SVIL: variants seen among roughly 807,000 people sequenced by gnomAD.
The protein encoded by SVIL is archvillin.
SVIL carries 101 observed loss-of-function variants against 240.4 expected under a neutral mutation model. The ratio of observed to expected loss-of-function variants is 0.42; its 90% CI spans 0.36 to 0.50. The LOEUF is 0.50. Ranked by LOEUF, SVIL falls within the 20% of genes least tolerant of loss-of-function variation. The pLI, the probability that SVIL is intolerant of heterozygous loss-of-function variation, is 0.01. For missense variants in SVIL, 2,512 were observed against 2,818.7 expected (o/e 0.89, Z 2.46); for synonymous variants, 999 against 1,100.0 (o/e 0.91, Z 1.82).
intron 30 of SVIL, chr10:29,473,593 T>G (rs373033730): frequency 3.6e-6 from 2 of 559,344 alleles, no homozygotes; most frequent in African/African-American, 3.8e-5. Context: ...TCTGCACTTG[T>G]CATGTGGATT....
At chr10:29,633,877 A>G (rs1958208519) in intron 1 of SVIL, among the ~76,000 whole-genome samples, 1 of 152,154 alleles carries the variant, frequency 6.6e-6, no homozygotes, top group African/African-American at 2.4e-5. Context: ...TTTTTCTCAT[A>G]AATTCTGGAA....
intron 16 of SVIL, among the ~76,000 whole-genome samples, chr10:29,519,785 T>C (rs1950444470): frequency 6.6e-6 from 1 of 152,254 alleles, no homozygotes; most frequent in Admixed American, 6.5e-5. Context: ...CTTTCTATCA[T>C]GATTCTGAAC....
intron 17 of SVIL, among the ~76,000 whole-genome samples, chr10:29,512,159 T>A (rs1293617823): frequency 1.3e-5 from 2 of 152,254 alleles, no homozygotes; most frequent in Non-Finnish European, 2.9e-5. Flanking sequence ...TCATCAATAC[T>A]TTCGCATATG....
intron 23 of SVIL, among the ~76,000 whole-genome samples, chr10:29,488,290 G>A (rs538894923): frequency 2.6e-5 from 4 of 152,056 alleles, no homozygotes; most frequent in Admixed American, 6.6e-5. Context: ...GGCACGGGGC[G>A]CCAGGAGTAA....
chr10:29,581,724 T>C (rs1237570435), intron 1 of SVIL, among the ~76,000 whole-genome samples: 1 of 152,240 alleles, frequency 6.6e-6, no homozygotes, highest in African/African-American at 2.4e-5. Context: ...TAGTTTCTGG[T>C]TCATTCCAAA....
At chr10:29,459,158 G>A (rs549563007) in intron 36 of SVIL, among the ~76,000 whole-genome samples, 58 of 152,240 alleles carry the variant, frequency 3.8e-4, no homozygotes, top group African/African-American at 1.3e-3. Flanking sequence ...AACCCAGGCT[G>A]GAGGGCAGTG....
intron 2 of SVIL, among the ~76,000 whole-genome samples, chr10:29,664,380 A>T (rs148241376): frequency 2.0e-5 from 3 of 152,314 alleles, no homozygotes; most frequent in African/African-American, 7.2e-5. Flanking sequence ...TGTGTGACAG[A>T]TACATGCATG....
intron 1 of SVIL, among the ~76,000 whole-genome samples, chr10:29,595,370 A>T (rs182970840): frequency 6.6e-6 from 1 of 152,190 alleles, no homozygotes; most frequent in Non-Finnish European, 1.5e-5. Flanking sequence ...TCAGAGCAGC[A>T]CGGCTCTGCT....
At chr10:29,467,542 A>G (rs942843216) in intron 33 of SVIL, among the ~76,000 whole-genome samples, 200 bp downstream of exon 33, 3 of 152,178 alleles carry the variant, frequency 2.0e-5, no homozygotes, top group African/African-American at 7.2e-5. Flanking sequence ...CTGAAGAATT[A>G]AGATAAAACA....
chr10:29,628,719 T>C (rs1449865960), intron 1 of SVIL, among the ~76,000 whole-genome samples: 1 of 152,154 alleles, frequency 6.6e-6, no homozygotes, highest in Non-Finnish European at 1.5e-5. Context: ...AGAAAATCAG[T>C]TCTAAAAGCC....
chr10:29,720,904 T>C (rs143378120), intron 1 of SVIL, among the ~76,000 whole-genome samples: 21 of 152,320 alleles, frequency 1.4e-4, no homozygotes, highest in African/African-American at 4.8e-4. Context: ...TGGAGTGTAG[T>C]GGTGTGATCT....
At chr10:29,531,183 C>A in intron 10 of SVIL, 71 bp downstream of exon 10, 2 of 1,523,770 alleles carry the variant, frequency 1.3e-6, no homozygotes, top group Non-Finnish European at 1.8e-6. Flanking sequence ...CTCAAAAAGC[C>A]AAAAACCTTA....
At chr10:29,639,156 A>C (rs1958401939), upstream of SVIL, among the ~76,000 whole-genome samples, 1 of 151,808 alleles carries the variant, frequency 6.6e-6, no homozygotes, top group Non-Finnish European at 1.5e-5. Flanking sequence ...GTTCTCTAGA[A>C]CTCTTCCCCT....
chr10:29,731,050 C>T (rs1792079258), intron 1 of SVIL, among the ~76,000 whole-genome samples: 1 of 152,188 alleles, frequency 6.6e-6, no homozygotes, highest in Admixed American at 6.5e-5. Flanking sequence ...TCTTCCTGTA[C>T]CCAAGATTCT....
chr10:29,618,980 G>C (rs1957528628), intron 1 of SVIL, among the ~76,000 whole-genome samples: 1 of 152,176 alleles, frequency 6.6e-6, no homozygotes, highest in Admixed American at 6.5e-5. Flanking sequence ...TGGGCTAAAA[G>C]TGGCAACTCA....
intron 1 of SVIL, among the ~76,000 whole-genome samples, chr10:29,734,072 A>C (rs1034474062): frequency 6.6e-6 from 1 of 152,252 alleles, no homozygotes; most frequent in Non-Finnish European, 1.5e-5. Context: ...CTTGCAAAAG[A>C]AAAGGCAAAC....
chr10:29,495,069 T>C (rs775791946), intron 19 of SVIL, 23 bp downstream of exon 19: 1 of 1,600,964 alleles, frequency 6.2e-7, no homozygotes, highest in Non-Finnish European at 8.5e-7. Flanking sequence ...CTGCTTGGCG[T>C]GGCCGGGGCC....
intron 17 of SVIL, among the ~76,000 whole-genome samples, chr10:29,501,550 T>A (rs377503295): frequency 4.6e-4 from 70 of 152,300 alleles, no homozygotes; most frequent in African/African-American, 1.7e-3. Flanking sequence ...CTGCCTATAA[T>A]GGAAATTTTT....
intron 1 of SVIL, among the ~76,000 whole-genome samples, chr10:29,702,175 C>CAAAAAAAAAA (rs60338711): frequency 6.5e-5 from 4 of 61,636 alleles, no homozygotes; most frequent in Non-Finnish European, 8.7e-5. Flanking sequence ...ACTCCATCTC[C>CAAAAAAAAAA]AAAAAAAAAA....
Sources: allele counts gnomAD v4.1 joint callset (sites outside exome capture counted in the v4.1 genomes callset), GRCh38; gene constraint gnomAD v4.1.1; transcripts MANE v1.5; gene names NCBI Gene and HGNC (gene_info 2026-07-23, HGNC 2026-07-21).